ATRNL1: variants seen among roughly 807,000 people sequenced by gnomAD.
ATRNL1 encodes the protein attractin-like protein 1.
A neutral mutation model predicts 182.7 loss-of-function variants in ATRNL1; 95 were observed. The observed-to-expected ratio is 0.52, with a 90% CI of 0.44 to 0.62. ATRNL1 has a LOEUF of 0.62. Among genes scored for constraint, ATRNL1 ranks in the 20% least tolerant of loss-of-function variants. The pLI is 0.00. For synonymous variants in ATRNL1, 576 were observed against 568.3 expected (o/e 1.01, Z -0.19); for missense variants, 1,471 against 1,679.5 (o/e 0.88, Z 2.17).
rs142571011 is a variant in ATRNL1 at position 115,135,508 on chromosome 10, A to C, written c.829+5973A>C. On this transcript the variant is annotated intron_variant, in intron 5 of 28. Transcript: ENST00000355044. ...GTGAAGGACCTCTTCAAGGAGGACT[A>C]CAAACCACTGCTCAACGAAATAAAA... Among the ~76,000 whole-genome samples the C allele has an allele frequency of 2.6e-3, 400 of 152,364 alleles. 2 individuals carry two copies. The highest frequency in any genetic ancestry group is 9.3e-3 in the African/African-American group (388 of 41,584).
chr10:115,825,081 T>A (rs542826682), intron 27 of ATRNL1, among the ~76,000 whole-genome samples: 2 of 152,336 alleles, frequency 1.3e-5, no homozygotes, highest in South Asian at 4.1e-4. Flanking sequence ...TGAGTTCATG[T>A]CCTTTGCAGG....
chr10:115,322,588 A>C (rs1190603020), intron 18 of ATRNL1, among the ~76,000 whole-genome samples: 1 of 152,126 alleles, frequency 6.6e-6, no homozygotes, highest in African/African-American at 2.4e-5. Context: ...AGTAATTACC[A>C]GTACTGTTTT....
chr10:115,776,631 A>T (rs114029932), intron 27 of ATRNL1, among the ~76,000 whole-genome samples: 1 of 149,028 alleles, frequency 6.7e-6, no homozygotes, highest in African/African-American at 2.6e-5. Context: ...AGGCTCGTAC[A>T]TCTTAATGTT....
At chr10:115,135,360 C>CA (rs782506037) in intron 5 of ATRNL1, among the ~76,000 whole-genome samples, 1 of 152,162 alleles carries the variant, frequency 6.6e-6, no homozygotes, top group Non-Finnish European at 1.5e-5. Context: ...AAATCATGTG[C>CA]AAAAATCACA....
intron 13 of ATRNL1, among the ~76,000 whole-genome samples, chr10:115,270,213 T>C (rs568751747): frequency 1.5e-4 from 22 of 146,664 alleles, no homozygotes; most frequent in African/African-American, 2.5e-4. Context: ...TATATATATA[T>C]ACACACATAC....
chr10:115,131,799 T>G (rs1191321147), intron 5 of ATRNL1, among the ~76,000 whole-genome samples: 2 of 152,240 alleles, frequency 1.3e-5, no homozygotes, highest in Non-Finnish European at 2.9e-5. Flanking sequence ...GTTGCTTGAC[T>G]ACTTATTCTG....
chr10:115,809,541 A>C (rs1047800925), intron 27 of ATRNL1, among the ~76,000 whole-genome samples: 2 of 152,066 alleles, frequency 1.3e-5, no homozygotes, highest in South Asian at 4.1e-4. Context: ...TTTGTACCTA[A>C]ATTTTTGATA....
chr10:115,597,754 G>A (rs11197327), intron 26 of ATRNL1: 137,129 of 428,132 alleles, frequency 0.32, 25,256 homozygotes, highest in East Asian at 0.67. Flanking sequence ...CACCATGTTG[G>A]CCAGACTGGA....
intron 14 of ATRNL1, among the ~76,000 whole-genome samples, chr10:115,285,077 G>A (rs1852543006): frequency 1.3e-5 from 2 of 152,086 alleles, no homozygotes; most frequent in Non-Finnish European, 2.9e-5. Flanking sequence ...TTTCCCTCGG[G>A]AAGGGAATTT....
chr10:115,782,799 A>C lies in ATRNL1; in HGVS notation c.3903+55444A>C, dbSNP rs556489216. 9.2e-5 allele frequency among the ~76,000 whole-genome samples: 14 copies of C among 152,370 alleles called. 1 individual carries two copies. The East Asian group carries it at 2.7e-3, about 29-fold the overall frequency. On this transcript the variant is annotated intron_variant, in intron 27 of 28. Transcript: ENST00000355044. ...TTAACATAGCAGCAGTCATAAAAAT[A>C]TAAGAGTATAACTATATAAAAGGGT... is the stretch of plus-strand genomic sequence containing the variant.
chr10:115,521,290 T>A (rs1172762011), intron 25 of ATRNL1, among the ~76,000 whole-genome samples: 1 of 151,948 alleles, frequency 6.6e-6, no homozygotes, highest in East Asian at 1.9e-4. Flanking sequence ...GTAGCTGGGA[T>A]TACAGGCACG....
chr10:115,721,975 G>C (rs1261527467), intron 26 of ATRNL1, among the ~76,000 whole-genome samples: 1 of 152,040 alleles, frequency 6.6e-6, no homozygotes, highest in Non-Finnish European at 1.5e-5. Context: ...ACAATATTTT[G>C]CTTTTGAATA....
At chr10:115,504,010 CT>C (rs1214382796) in intron 24 of ATRNL1, among the ~76,000 whole-genome samples, 2 of 151,690 alleles carry the variant, frequency 1.3e-5, no homozygotes, top group South Asian at 2.1e-4. Context: ...AAAGGACACA[CT>C]TTTTTTCAAG....
At chr10:115,188,044 AGGGAGG>A (rs199990295) in intron 8 of ATRNL1, among the ~76,000 whole-genome samples, 2,887 of 46,756 alleles carry the variant, frequency 0.062, 53 homozygotes, top group Middle Eastern at 0.13. Flanking sequence ...ACTGGGAGAG[AGGGAGG>A]GGGAGGGGGA....
chr10:115,823,328 A>G (rs1458459253), intron 27 of ATRNL1, among the ~76,000 whole-genome samples: 1 of 152,202 alleles, frequency 6.6e-6, no homozygotes, highest in Non-Finnish European at 1.5e-5. Flanking sequence ...AACATACTGA[A>G]TGGGCAAAAG....
chr10:115,925,558 C>A (rs1555119867), intron 28 of ATRNL1, among the ~76,000 whole-genome samples: 1 of 151,104 alleles, frequency 6.6e-6, no homozygotes, highest in South Asian at 2.1e-4. Flanking sequence ...TAAAGTCATG[C>A]AGGAAAATTT....
chr10:115,335,615 G>A (rs782627490), intron 19 of ATRNL1, among the ~76,000 whole-genome samples: 4 of 152,088 alleles, frequency 2.6e-5, no homozygotes, highest in Non-Finnish European at 4.4e-5. Flanking sequence ...GTATCCATGC[G>A]GATTAATTCC....
At chr10:115,534,060 C>A (rs1190117994) in intron 25 of ATRNL1, among the ~76,000 whole-genome samples, 2 of 151,596 alleles carry the variant, frequency 1.3e-5, no homozygotes, top group East Asian at 3.9e-4. Context: ...TGGTGTGGTG[C>A]TGAAAAAAAT....
intron 25 of ATRNL1, among the ~76,000 whole-genome samples, chr10:115,545,422 G>A (rs1852597781): frequency 6.6e-6 from 1 of 151,840 alleles, no homozygotes; most frequent in Non-Finnish European, 1.5e-5. Flanking sequence ...TCTACGTCAC[G>A]TTAGCTCTTT....
Sources: gnomAD v4.1 joint callset for allele counts (sites outside exome capture counted in the v4.1 genomes callset) on GRCh38, gnomAD v4.1.1 for gene constraint, MANE v1.5 for transcripts, NCBI Gene and HGNC (gene_info 2026-07-23, HGNC 2026-07-21) for gene names.